Variants in TVP23C observed in about 807,000 individuals in gnomAD.
The protein encoded by TVP23C is trans-golgi network vesicle protein 23 homolog C.
Under a neutral mutation model 28.7 loss-of-function variants are expected in TVP23C, and 19 were observed. The ratio of observed to expected loss-of-function variants is 0.66; its 90% CI spans 0.46 to 0.97. The LOEUF is 0.97. Ranked by LOEUF, TVP23C falls within the 50% of genes least tolerant of loss-of-function variation. The pLI, the probability that TVP23C is intolerant of heterozygous loss-of-function variation, is 0.00. For missense variants in TVP23C, 186 were observed against 241.3 expected (o/e 0.77, Z 1.52); for synonymous variants, 68 against 81.7 (o/e 0.83, Z 0.90).
At chr17:15,518,978 G>A (rs1442502773) in intron 5 of TVP23C, among the ~76,000 whole-genome samples, 1 of 152,106 alleles carries the variant, frequency 6.6e-6, no homozygotes, top group African/African-American at 2.4e-5. Context: ...AGATTTGATG[G>A]TTGAAAGGTG....
chr17:15,506,047 C>T (rs529932931), intron 5 of TVP23C, among the ~76,000 whole-genome samples: 1 of 152,242 alleles, frequency 6.6e-6, no homozygotes, highest in African/African-American at 2.4e-5. Context: ...CCAGTTCCAT[C>T]GACCACCCAA....
exon 6 of TVP23C, chr17:15,502,310 G>C (rs1443309032): frequency 6.6e-6 from 1 of 152,380 alleles, no homozygotes; most frequent in Non-Finnish European, 1.5e-5. Context: ...GGCACAAGAG[G>C]GTGATTGAAA....
In TVP23C at chr17:15,540,177, T is replaced by G; in HGVS notation, c.*235A>C. On this transcript the variant is annotated 3_prime_UTR_variant, in exon 6 of 6. Coordinates refer to ENST00000518321, the MANE Select transcript of TVP23C (RefSeq NM_001135036.2). ...CATAATTGATGAAAAACAACTGAAC[T>G]TAAAAGTAATTTTTAAAAAATAAGT... The G allele has an allele frequency of 7.1e-6, 9 of 1,272,112 alleles. No individual in the cohort carries two copies. The highest frequency in any genetic ancestry group is 8.9e-6 in the Non-Finnish European group (9 of 1,009,584). 78.8% of individuals were successfully genotyped at this position (1,272,112 alleles called of 1,614,324 possible). A position where few individuals can be genotyped will look rare whatever the true frequency, so the allele number is the denominator to read the frequency against.
rs1984484997 is a variant in TVP23C, at chr17:15,563,245, A to C, written c.12+192T>G. ...GTACTTGCTCTGCGCCGCACGGGTC[A>C]CGCCTCCCCCAGCGGCCTCAGAACC... On this transcript the variant is annotated intron_variant, in intron 1 of 5. Coordinates refer to ENST00000518321, the MANE Select transcript of TVP23C (RefSeq NM_001135036.2). 6 of 1,090,628 alleles carry C rather than the reference A, an allele frequency of 5.5e-6. No homozygotes were observed. In the South Asian group the frequency reaches 6.4e-5, roughly 12 times the overall value. The allele number at this position is 1,090,628 out of a possible 1,614,324, so 67.6% of individuals were successfully genotyped here.
At chr17:15,524,068 GTGTGT>G (rs1567634743) in intron 5 of TVP23C, among the ~76,000 whole-genome samples, 2 of 85,402 alleles carry the variant, frequency 2.3e-5, no homozygotes, top group East Asian at 9.4e-4. Context: ...AGTGGGGTGT[GTGTGT>G]GTGTGTGTGT....
intron 2 of TVP23C, 65 bp downstream of exon 2, chr17:15,555,217 T>C: frequency 6.2e-7 from 1 of 1,606,936 alleles, no homozygotes; most frequent in Non-Finnish European, 8.5e-7. Flanking sequence ...TCCCATCAGC[T>C]AGCACTGACA....
chr17:15,503,056 A>G lies in TVP23C; in HGVS notation c.639T>C (p.Leu213=), dbSNP rs774246615. ...TAAGGCGGGGCGCAGGTTTCCAGTA[A>G]AGAGCTCGATCCGTGATCCTCGTGA... The change falls in exon 6 of 6, where the codon CTT becomes CTC. Residue 213 remains leucine, a synonymous_variant. Transcript: ENST00000225576. 2.5e-6 allele frequency: 4 copies of G among 1,610,372 alleles called. No individual in the cohort carries two copies. In the Admixed American group the frequency reaches 6.7e-5, roughly 27 times the overall value.
chr17:15,515,942 A>G (rs1055767373), intron 5 of TVP23C, among the ~76,000 whole-genome samples: 1 of 152,054 alleles, frequency 6.6e-6, no homozygotes, highest in South Asian at 2.1e-4. Flanking sequence ...TGTTCTCCTG[A>G]TGGAGTTACC....
rs548249939 is a variant in TVP23C, at chr17:15,558,498, C to T, written c.13-3134G>A. Among the ~76,000 whole-genome samples, 69 of 147,662 alleles carry T rather than the reference C, an allele frequency of 4.7e-4. 3 individuals are homozygous for T. Among genetic ancestry groups the T allele is most frequent in the African/African-American group, 1.7e-3 (67 of 40,460 alleles). ...TCACAGATGAGATTAAGTTAAGGAT[C>T]TTGAGGTCAAGAGATCATCCTGGAT... On this transcript the variant is annotated intron_variant, in intron 1 of 5. Coordinates refer to ENST00000518321, the MANE Select transcript of TVP23C (RefSeq NM_001135036.2).
intron 5 of TVP23C, among the ~76,000 whole-genome samples, chr17:15,529,351 C>G (rs1225916433): frequency 6.6e-6 from 1 of 151,956 alleles, no homozygotes; most frequent in Non-Finnish European, 1.5e-5. Flanking sequence ...AATCGGGAGG[C>G]TGAGGCAGGA....
At chr17:15,561,560 T>C (rs1457253848) in intron 1 of TVP23C, among the ~76,000 whole-genome samples, 12 of 151,728 alleles carry the variant, frequency 7.9e-5, no homozygotes, top group African/African-American at 2.4e-4. Flanking sequence ...GATCACACCA[T>C]TGTACTCCAG....
rs376553579 is a variant in TVP23C, at chr17:15,553,671, A to G, written c.240+14T>C. 4.4e-5 allele frequency: 69 copies of G among 1,582,328 alleles called. No homozygotes were observed. The highest frequency in any genetic ancestry group is 9.9e-5 in the Admixed American group (5 of 50,584). On this transcript the variant is annotated intron_variant, in intron 3 of 5. Coordinates refer to ENST00000518321, the MANE Select transcript of TVP23C (RefSeq NM_001135036.2). Reference sequence around the variant, plus strand: ...TATTAAATATAATTTTAAAATAAAAACAATCAAAATTACCTTCACTGCCCA... The same window carrying G: ...TATTAAATATAATTTTAAAATAAAAGCAATCAAAATTACCTTCACTGCCCA...
chr17:15,533,687 G>A (rs368675363), downstream of TVP23C, among the ~76,000 whole-genome samples: 1 of 152,170 alleles, frequency 6.6e-6, no homozygotes, highest in South Asian at 2.1e-4. Flanking sequence ...GAACCATGGG[G>A]TGCCTCAGTA....
At chr17:15,527,393 T>G (rs1407239666) in intron 5 of TVP23C, among the ~76,000 whole-genome samples, 1 of 152,080 alleles carries the variant, frequency 6.6e-6, no homozygotes, top group Non-Finnish European at 1.5e-5. Flanking sequence ...TTCCTATAAT[T>G]GACTGTTTTG....
rs771057277 is a variant in TVP23C at position 15,545,892 on chromosome 17, C to T, written c.355G>A (p.Val119Met). The T allele has an allele frequency of 6.2e-6, 10 of 1,613,906 alleles. No homozygotes were observed. Among genetic ancestry groups the T allele is most frequent in the African/African-American group, 4.0e-5 (3 of 74,934 alleles). Residue 119 changes from valine to methionine, a missense_variant, in exon 5 of 6, where the codon GTG becomes ATG. By Grantham distance (21) the Val-to-Met change is conservative (BLOSUM62 1). Around this residue, in one of 3 missense-constraint regions of TVP23C, gnomAD observed 20 missense variants for 51.0 expected, o/e 0.39. Coordinates refer to ENST00000518321, the MANE Select transcript of TVP23C (RefSeq NM_001135036.2). ...RKESSQENKT[V>M]SEAESRIFWL... ...AAGATTCTTGATTCAGCCTCTGACA[C>T]AGTTTTATTCTCTTGAGAGGACTCC...
intron 5 of TVP23C, among the ~76,000 whole-genome samples, chr17:15,505,854 C>G (rs999362618): frequency 5.9e-5 from 9 of 152,240 alleles, no homozygotes; most frequent in Admixed American, 3.3e-4. Context: ...GTACGGTGTA[C>G]TGGGTCCCCC....
At chr17:15,525,109 C>CT (rs1350064684) in intron 5 of TVP23C, among the ~76,000 whole-genome samples, 1 of 152,244 alleles carries the variant, frequency 6.6e-6, no homozygotes, top group East Asian at 1.9e-4. Context: ...GTTGAACACA[C>CT]TGGAAATCTG....
At chr17:15,528,478 G>C (rs1426816866) in intron 5 of TVP23C, among the ~76,000 whole-genome samples, 1 of 152,014 alleles carries the variant, frequency 6.6e-6, no homozygotes, top group Non-Finnish European at 1.5e-5. Flanking sequence ...GTATGACTTC[G>C]ATTATTTTAA....
downstream of TVP23C, among the ~76,000 whole-genome samples, chr17:15,532,503 A>G (rs1982989002): frequency 6.6e-6 from 1 of 152,212 alleles, no homozygotes; most frequent in South Asian, 2.1e-4. Flanking sequence ...TTTCAAGGCT[A>G]CTGTGGAGCT....
Sources: allele counts gnomAD v4.1 joint callset (sites outside exome capture counted in the v4.1 genomes callset), GRCh38; gene constraint gnomAD v4.1.1; regional missense constraint gnomAD v4.1.1; transcripts MANE v1.5; gene names NCBI Gene and HGNC (gene_info 2026-07-23, HGNC 2026-07-21).